Variants in DISC1 observed in about 807,000 individuals in gnomAD.
DISC1 encodes disrupted in schizophrenia 1 protein.
In DISC1, 57 loss-of-function variants were observed where a neutral mutation model predicts 84.5. The ratio of observed to expected loss-of-function variants is 0.67; its 90% CI spans 0.55 to 0.84. The LOEUF (loss-of-function observed/expected upper bound fraction) is 0.84, where lower values mean the gene tolerates loss of function less well. Among genes scored for constraint, DISC1 ranks in the 40% least tolerant of loss-of-function variants. The pLI is 0.00. For missense variants in DISC1, 1,000 were observed against 1,057.8 expected, an observed-to-expected ratio of 0.95 and a Z score of 0.76; for synonymous variants, 411 against 415.2, an observed-to-expected ratio of 0.99 and a Z score of 0.12.
Position 231,821,416 on chromosome 1 carries a change from G to T in DISC1, c.1981+2899G>T, listed in dbSNP as rs867006243. ...AGGTACTCAAGGGCAAAGGGAGACAGACCTCATCACCGAATCCATTGGCTT... is the reference window on the plus strand; with the variant it reads ...AGGTACTCAAGGGCAAAGGGAGACATACCTCATCACCGAATCCATTGGCTT... On this transcript the variant is annotated intron_variant, in intron 9 of 12. Transcript: ENST00000439617. 2.6e-5 allele frequency among the ~76,000 whole-genome samples: 4 copies of T among 152,224 alleles called. No individual in the cohort carries two copies. In the South Asian group the frequency reaches 6.2e-4, roughly 24 times the overall value.
intron 4 of DISC1, among the ~76,000 whole-genome samples, chr1:231,754,188 T>A (rs143160394): frequency 5.8e-4 from 88 of 152,344 alleles, no homozygotes; most frequent in African/African-American, 2.1e-3. Flanking sequence ...GTATCTTTAC[T>A]TTATAGCAAT....
intron 8 of DISC1, among the ~76,000 whole-genome samples, chr1:231,808,550 TC>T (rs1176468188): frequency 6.6e-6 from 1 of 152,196 alleles, no homozygotes; most frequent in African/African-American, 2.4e-5. Flanking sequence ...GAGGTTCCAG[TC>T]CCAGAACAGC....
At chr1:231,975,809 C>G (rs1476680811) in intron 10 of DISC1, among the ~76,000 whole-genome samples, 1 of 151,846 alleles carries the variant, frequency 6.6e-6, no homozygotes, top group Non-Finnish European at 1.5e-5. Flanking sequence ...GAATGATAGA[C>G]GATGGAGATT....
chr1:231,912,878 C>T (rs1176784925), intron 9 of DISC1, among the ~76,000 whole-genome samples: 1 of 148,294 alleles, frequency 6.7e-6, no homozygotes, highest in Non-Finnish European at 1.5e-5. Flanking sequence ...TCCTTCCTTC[C>T]TTCCTTCCAC....
chr1:231,865,607 A>G (rs2084997208), intron 9 of DISC1, among the ~76,000 whole-genome samples: 1 of 152,054 alleles, frequency 6.6e-6, no homozygotes, highest in Admixed American at 6.6e-5. Context: ...ATAACTTCTC[A>G]TTCTCCCTTC....
intron 9 of DISC1, among the ~76,000 whole-genome samples, chr1:231,919,521 C>T (rs144489444): frequency 1.3e-5 from 2 of 152,144 alleles, no homozygotes; most frequent in African/African-American, 2.4e-5. Context: ...CTTTCTGGCC[C>T]GGTCAGGGAA....
intron 10 of DISC1, among the ~76,000 whole-genome samples, chr1:231,976,190 C>T (rs1254619448): frequency 6.6e-6 from 1 of 152,138 alleles, no homozygotes; most frequent in Admixed American, 6.5e-5. Flanking sequence ...GTCTGTGAAT[C>T]CCATCTCCAG....
chr1:232,033,226 G>C (rs1670217514), intron 12 of DISC1, among the ~76,000 whole-genome samples: 2 of 152,108 alleles, frequency 1.3e-5, no homozygotes, highest in Non-Finnish European at 2.9e-5. Context: ...AAATCAGGGA[G>C]TCCTTCTTAA....
chr1:231,962,262 A>G (rs1368973514), intron 10 of DISC1, among the ~76,000 whole-genome samples: 1 of 152,084 alleles, frequency 6.6e-6, no homozygotes, highest in Non-Finnish European at 1.5e-5. Flanking sequence ...TAAGTTCCTT[A>G]TGGATTCTGG....
chr1:231,629,226 C>G (rs1471997523), intron 1 of DISC1, among the ~76,000 whole-genome samples: 1 of 152,214 alleles, frequency 6.6e-6, no homozygotes, highest in African/African-American at 2.4e-5. Context: ...GTTGCAAGAT[C>G]TCATCACAAA....
chr1:231,841,975 C>T (rs1239053535), intron 9 of DISC1, among the ~76,000 whole-genome samples: 4 of 152,096 alleles, frequency 2.6e-5, no homozygotes, highest in African/African-American at 9.7e-5. Flanking sequence ...TTTCCCTAGC[C>T]TCTGTGCCAG....
intron 10 of DISC1, among the ~76,000 whole-genome samples, chr1:231,980,010 A>T (rs1663369854): frequency 2.0e-5 from 3 of 152,160 alleles, no homozygotes; most frequent in Admixed American, 2.0e-4. Context: ...GCTATTTTTA[A>T]GCATATGTAA....
chr1:231,861,122 G>A (rs1430187167), intron 9 of DISC1, among the ~76,000 whole-genome samples: 1 of 152,180 alleles, frequency 6.6e-6, no homozygotes, highest in African/African-American at 2.4e-5. Context: ...ATGAGAAACA[G>A]GAGCTTCATC....
chr1:231,991,828 T>C (rs1665249104), intron 10 of DISC1, among the ~76,000 whole-genome samples: 1 of 152,194 alleles, frequency 6.6e-6, no homozygotes, highest in Admixed American at 6.5e-5. Flanking sequence ...TTTAAGTGCA[T>C]CCTTCCAGAA....
At chr1:231,827,649 A>G (rs553949087) in intron 9 of DISC1, among the ~76,000 whole-genome samples, 1 of 152,188 alleles carries the variant, frequency 6.6e-6, no homozygotes, top group Non-Finnish European at 1.5e-5. Flanking sequence ...GAGAGAGAGC[A>G]TGCTGATGAA....
chr1:231,787,311 T>C (rs553340438), intron 6 of DISC1, among the ~76,000 whole-genome samples: 4 of 152,174 alleles, frequency 2.6e-5, no homozygotes, highest in South Asian at 4.1e-4. Context: ...AAGTCCAAGG[T>C]TGAGGGGCTT....
In DISC1 at chr1:231,694,769, G is replaced by A. The variant is rs547899710; in HGVS notation, c.1011G>A (p.Leu337=). 2.5e-6 allele frequency: 4 copies of A among 1,613,994 alleles called. No homozygotes were observed. In the South Asian group the frequency reaches 3.3e-5, roughly 13 times the overall value. ...TGCTCAGGAAATGGGAGCCAGTGCT[G>A]CGGGACTGCCTGCTGAGAAACCGGA... ...DTLLRKWEPV[L]RDCLLRNRRQ... The change falls in exon 2 of 13, where the codon CTG becomes CTA. Residue 337 remains leucine, a synonymous_variant. Coordinates refer to ENST00000439617, the MANE Select transcript of DISC1 (RefSeq NM_018662.3).
intron 9 of DISC1, among the ~76,000 whole-genome samples, chr1:231,936,077 G>T (rs555581507): frequency 1.3e-5 from 2 of 152,270 alleles, no homozygotes; most frequent in South Asian, 4.1e-4. Context: ...AGAGGCAGCT[G>T]CAGGAAACGT....
chr1:231,721,657 G>A (rs1283270752), intron 3 of DISC1, among the ~76,000 whole-genome samples: 1 of 152,144 alleles, frequency 6.6e-6, no homozygotes, highest in African/African-American at 2.4e-5. Flanking sequence ...AACACCAGAA[G>A]GCTGTGCTTT....
Sources: gnomAD v4.1 joint callset for allele counts (sites outside exome capture counted in the v4.1 genomes callset) on GRCh38, gnomAD v4.1.1 for gene constraint, MANE v1.5 for transcripts, NCBI Gene and HGNC (gene_info 2026-07-23, HGNC 2026-07-21) for gene names.